Variants in ARID1B observed in about 807,000 individuals in gnomAD.
The protein encoded by ARID1B is AT-rich interaction domain 1B.
ARID1B carries 30 observed loss-of-function variants against 212.3 expected under a neutral mutation model. The observed-to-expected ratio is 0.14, with a 90% CI of 0.11 to 0.19. The LOEUF is 0.19. Ranked by LOEUF, ARID1B falls within the 10% of genes least tolerant of loss-of-function variation. The pLI is 1.00. For synonymous variants in ARID1B, 1,402 were observed against 1,301.7 expected (o/e 1.08, Z -1.66); for missense variants, 2,891 against 3,204.0 (o/e 0.90, Z 2.36).
At chr6:156,789,294 C>T (rs565533689) in intron 1 of ARID1B, among the ~76,000 whole-genome samples, 1 of 152,282 alleles carries the variant, frequency 6.6e-6, no homozygotes, top group African/African-American at 2.4e-5. Flanking sequence ...GCCTTCACAT[C>T]AGTAACATGA....
At chr6:157,171,224 T>G (rs1562321094) in intron 9 of ARID1B, among the ~76,000 whole-genome samples, 2 of 152,390 alleles carry the variant, frequency 1.3e-5, no homozygotes, top group South Asian at 2.1e-4. Flanking sequence ...GTTCTTAAAT[T>G]TCAATGGTAA....
rs913734487 is a variant in ARID1B, at chr6:157,167,093, C to A, written c.3143C>A (p.Pro1048His). Residue 1048 changes from proline to histidine, a missense_variant, in exon 9 of 20, where the codon CCC (proline) becomes CAC (histidine). Physicochemically the swap from Pro to His is moderately conservative, Grantham distance 77. This residue lies in a region of ARID1B where 1,643 missense variants were observed against 1,544.0 expected (regional missense o/e 1.06). Transcript: ENST00000636930. ...AGTGGACTTATGGCTTCCAGCTCTC[C>A]CTACAGCCAGCCCATGAACAACAGC... is the stretch of plus-strand genomic sequence containing the variant. The part of the protein sequence containing the change: ...NQSGLMASSS[P>H]YSQPMNNSSS... 1 of 1,612,696 alleles carries A rather than the reference C, an allele frequency of 6.2e-7. No individual in the cohort carries two copies. The highest frequency in any genetic ancestry group is 8.5e-7 in the Non-Finnish European group (1 of 1,180,030).
At position 156,829,326 on chromosome 6, in the gene ARID1B, G is replaced by A. The variant is rs778162933; in HGVS notation, c.1891G>A (p.Gly631Ser). Residue 631 changes from glycine to serine, a missense_variant, in exon 2 of 20, where the codon GGT (glycine) becomes AGT (serine). Coordinates refer to ENST00000636930, the MANE Select transcript of ARID1B (RefSeq NM_001374828.1). Reference sequence around the variant, plus strand: ...TCAGCAGAGCAGTCCGTACCCAGGAGGTTCCTATGGCCCTCCAGGCCCACA... The same window carrying A: ...TCAGCAGAGCAGTCCGTACCCAGGAAGTTCCTATGGCCCTCCAGGCCCACA... ...QPQQSSPYPG[G>S]SYGPPGPQRY... 1.2e-6 allele frequency: 2 copies of A among 1,614,246 alleles called. No individual in the cohort carries two copies. Among genetic ancestry groups the A allele is most frequent in the South Asian group, 2.2e-5 (2 of 91,086 alleles).
chr6:157,064,405 A>G (rs1783543125), intron 4 of ARID1B, among the ~76,000 whole-genome samples: 1 of 152,330 alleles, frequency 6.6e-6, no homozygotes, highest in East Asian at 1.9e-4. Flanking sequence ...AGAGCAAAAT[A>G]AAACACTCAG....
At chr6:157,118,419 G>A (rs1787477402) in intron 6 of ARID1B, among the ~76,000 whole-genome samples, 2 of 152,156 alleles carry the variant, frequency 1.3e-5, no homozygotes, top group Non-Finnish European at 2.9e-5. Flanking sequence ...TTTTCCTAAT[G>A]TATGCTGTGT....
At chr6:156,977,169 TTG>T (rs1279169990) in intron 4 of ARID1B, 1 of 196,054 alleles carries the variant, frequency 5.1e-6, no homozygotes. Flanking sequence ...GTGGTTTTCT[TTG>T]TGTGTCTTTT....
chr6:156,997,386 T>C (rs778835751), intron 4 of ARID1B, among the ~76,000 whole-genome samples: 1 of 152,220 alleles, frequency 6.6e-6, no homozygotes, highest in Non-Finnish European at 1.5e-5. Flanking sequence ...CTAGGTATTG[T>C]AATTATACAT....
Position 157,200,999 on chromosome 6 carries a change from A to C in ARID1B, c.4774A>C (p.Asn1592His), listed in dbSNP as rs745575926. 1.9e-6 allele frequency: 3 copies of C among 1,614,110 alleles called. No homozygotes were observed. Among genetic ancestry groups the C allele is most frequent in the Non-Finnish European group, 2.5e-6 (3 of 1,179,980 alleles). Residue 1592 changes from asparagine (N) to histidine (H), a missense_variant, in exon 18 of 20, where the codon AAT becomes CAT. Asn to His is a moderately conservative substitution (Grantham distance 68). Coordinates refer to ENST00000636930, the MANE Select transcript of ARID1B (RefSeq NM_001374828.1). This position sits in a 1 kb window ranked among gnomAD's most constrained non-coding sequence, Gnocchi z 4.3. ...GPQQNMWAAR[N>H]DMPYPYQNRQ... Reference sequence around the variant, plus strand: ...TCAGCAGAATATGTGGGCAGCACGCAATGATATGCCTTATCCCTACCAGAA... The same window carrying C: ...TCAGCAGAATATGTGGGCAGCACGCCATGATATGCCTTATCCCTACCAGAA...
intron 1 of ARID1B, among the ~76,000 whole-genome samples, chr6:156,810,490 C>T (rs1781483908): frequency 6.6e-6 from 1 of 152,140 alleles, no homozygotes; most frequent in African/African-American, 2.4e-5. Flanking sequence ...GGGTGTTCTC[C>T]TTTGGTTTGT....
At chr6:156,811,735 C>T (rs1781565087) in intron 1 of ARID1B, among the ~76,000 whole-genome samples, 2 of 152,208 alleles carry the variant, frequency 1.3e-5, no homozygotes, top group Non-Finnish European at 2.9e-5. Flanking sequence ...TTCATTACCT[C>T]TTCATAGACG....
chr6:156,891,545 A>G (rs543337825), intron 2 of ARID1B, among the ~76,000 whole-genome samples: 2 of 152,354 alleles, frequency 1.3e-5, no homozygotes, highest in South Asian at 2.1e-4. Context: ...CTTTATACCT[A>G]TACCACAAAC....
At chr6:157,022,450 G>T (rs1009216433) in intron 4 of ARID1B, 1 of 152,152 alleles carries the variant, frequency 6.6e-6, no homozygotes, top group African/African-American at 2.4e-5. Flanking sequence ...AGTCTTGTCG[G>T]GATATTACTT....
intron 4 of ARID1B, among the ~76,000 whole-genome samples, chr6:157,051,522 A>T (rs1782604092): frequency 6.6e-6 from 1 of 152,214 alleles, no homozygotes; most frequent in Non-Finnish European, 1.5e-5. Flanking sequence ...GACTATTTGT[A>T]ATCTGTAACC....
intron 4 of ARID1B, among the ~76,000 whole-genome samples, chr6:156,959,936 T>C (rs887342415): frequency 5.4e-5 from 8 of 148,762 alleles, no homozygotes; most frequent in Admixed American, 6.7e-5. Flanking sequence ...TTTTTTTTTT[T>C]TTTTTTTTTC....
At chr6:157,136,867 AAAC>A (rs1227786825) in intron 7 of ARID1B, among the ~76,000 whole-genome samples, 10 of 152,004 alleles carry the variant, frequency 6.6e-5, no homozygotes, top group African/African-American at 2.2e-4. Context: ...GTCTTTAAAA[AAAC>A]AACAACAACA....
At chr6:157,001,381 T>C (rs997272276) in intron 4 of ARID1B, among the ~76,000 whole-genome samples, 1 of 152,168 alleles carries the variant, frequency 6.6e-6, no homozygotes, top group African/African-American at 2.4e-5. Flanking sequence ...TGGATAAATA[T>C]GAGAAGTGCA....
rs567719662 is a variant in ARID1B, at chr6:156,893,045, C to CTTTTTTTTTTTTTTTTTTTTTTTT, written c.1987-8316_1987-8315insTTTTTTTTTTTTTTTTTTTTTTTT. ...AACTCTTTTTTTTTCTTTTTTCTTC[C>CTTTTTTTTTTTTTTTTTTTTTTTT]TTTTTTTTTTTTTTTGAGATGGAGT... On this transcript the variant is annotated intron_variant, in intron 2 of 19. Coordinates refer to ENST00000636930, the MANE Select transcript of ARID1B (RefSeq NM_001374828.1). Among the ~76,000 whole-genome samples the CTTTTTTTTTTTTTTTTTTTTTTTT allele has an allele frequency of 1.2e-3, 103 of 85,908 alleles. 11 individuals carry two copies. Among genetic ancestry groups the CTTTTTTTTTTTTTTTTTTTTTTTT allele is most frequent in the African/African-American group, 4.6e-3 (99 of 21,314 alleles). The allele number at this position is 85,908 out of a possible 152,430, so 56.4% of individuals were successfully genotyped here. A position where few individuals can be genotyped will look rare whatever the true frequency, so the allele number is the denominator to read the frequency against.
At chr6:157,122,468 T>A (rs1016842079) in intron 6 of ARID1B, among the ~76,000 whole-genome samples, 1 of 152,224 alleles carries the variant, frequency 6.6e-6, no homozygotes, top group African/African-American at 2.4e-5. Context: ...CAAACAATTA[T>A]CAAATTGTAT....
At chr6:156,855,237 G>T (rs894538577) in intron 2 of ARID1B, among the ~76,000 whole-genome samples, 1 of 152,172 alleles carries the variant, frequency 6.6e-6, no homozygotes, top group Admixed American at 6.5e-5. Context: ...TTTTTAAGGC[G>T]TATGGATGAT....
Sources: allele counts gnomAD v4.1 joint callset (sites outside exome capture counted in the v4.1 genomes callset), GRCh38; gene constraint gnomAD v4.1.1; regional missense constraint gnomAD v4.1.1; non-coding constraint Gnocchi (gnomAD v3.1); transcripts MANE v1.5; gene names NCBI Gene and HGNC (gene_info 2026-07-23, HGNC 2026-07-21).